PCDHGB4: variants seen among roughly 807,000 people sequenced by gnomAD.
PCDHGB4 encodes protocadherin gamma-B4.
A neutral mutation model predicts 60.5 loss-of-function variants in PCDHGB4; 38 were observed. The observed-to-expected ratio is 0.63, with a 90% CI of 0.48 to 0.82. The LOEUF (loss-of-function observed/expected upper bound fraction) is 0.82, where lower values mean the gene tolerates loss of function less well. PCDHGB4 is among the 40% of genes least tolerant of loss of function. The pLI, the probability that PCDHGB4 is intolerant of heterozygous loss-of-function variation, is 0.00. For missense variants in PCDHGB4, 1,109 were observed against 1,209.6 expected (o/e 0.92, Z 1.23); for synonymous variants, 456 against 509.7 (o/e 0.89, Z 1.42).
At position 141,502,487 on chromosome 5, in the gene PCDHGB4, C is replaced by T. The variant is rs563658817; in HGVS notation, c.2457-2906C>T. ...TACTTCCCGCAGCATCACACTGGGACTCATCTAACGTCGGCCTGTCCCACT... is the reference window on the plus strand; with the variant it reads ...TACTTCCCGCAGCATCACACTGGGATTCATCTAACGTCGGCCTGTCCCACT... On this transcript the variant is annotated intron_variant, in intron 2 of 3. Coordinates refer to ENST00000519479, the MANE Select transcript of PCDHGB4 (RefSeq NM_003736.4). Among the ~76,000 whole-genome samples, 92 of 152,298 alleles carry T rather than the reference C, an allele frequency of 6.0e-4. 3 individuals are homozygous for T. The highest frequency in any genetic ancestry group is 1.5e-4 in the Non-Finnish European group (10 of 68,030).
chr5:141,423,517 T>A (rs750915364), intron 1 of PCDHGB4: 1 of 1,613,834 alleles, frequency 6.2e-7, no homozygotes, highest in Admixed American at 1.7e-5. Context: ...CATTGCGGAC[T>A]CGCAGAAGAG....
At position 141,486,493 on chromosome 5, in the gene PCDHGB4, T is replaced by C. The variant is rs761905572; in HGVS notation, c.2398-8314T>C. The C allele has an allele frequency of 1.2e-6, 2 of 1,614,136 alleles. No homozygotes were observed. The highest frequency in any genetic ancestry group is 1.7e-6 in the Non-Finnish European group (2 of 1,179,960). Reference sequence around the variant, plus strand: ...ACCCTCCTCTCAGTACCCACAGAACTATTTTCCTCAATATTTCAGATGTGA... The same window carrying C: ...ACCCTCCTCTCAGTACCCACAGAACCATTTTCCTCAATATTTCAGATGTGA... On this transcript the variant is annotated intron_variant, in intron 1 of 3. Transcript: ENST00000519479. The surrounding 1 kb of genome is among the most constrained non-coding windows in gnomAD (Gnocchi z 5.0).
chr5:141,485,093 T>C lies in PCDHGB4; in HGVS notation c.2398-9714T>C. 1 of 1,076,296 alleles carries C rather than the reference T, an allele frequency of 9.3e-7. No homozygotes were observed. Among genetic ancestry groups the C allele is most frequent in the Non-Finnish European group, 1.4e-6 (1 of 718,118 alleles). 66.7% of individuals were successfully genotyped at this position (1,076,296 alleles called of 1,614,324 possible). ...TGGCGCGGGGAAAGGGAGATAGGTG[T>C]CTCCAGCTGCTGTGGCTGTTTGGGG... On this transcript the variant is annotated intron_variant, in intron 1 of 3. Coordinates refer to ENST00000519479, the MANE Select transcript of PCDHGB4 (RefSeq NM_003736.4). The surrounding 1 kb of genome is among the most constrained non-coding windows in gnomAD (Gnocchi z 5.7).
At chr5:141,474,041 GC>G (rs1242668125) in intron 1 of PCDHGB4, among the ~76,000 whole-genome samples, 3 of 152,140 alleles carry the variant, frequency 2.0e-5, no homozygotes. Context: ...CTGTACTCCA[GC>G]CTGGATGACA....
chr5:141,393,126 A>T, intron 1 of PCDHGB4: 1 of 1,613,436 alleles, frequency 6.2e-7, no homozygotes, highest in Non-Finnish European at 8.5e-7. Context: ...GTGTCTGATA[A>T]ATATTAACAC....
chr5:141,426,998 A>C (rs981827933), intron 1 of PCDHGB4: 8 of 456,664 alleles, frequency 1.8e-5, no homozygotes, highest in African/African-American at 1.6e-4. Flanking sequence ...ATAATGCCCC[A>C]GTTTTTAGCC....
At chr5:141,421,267 C>T in intron 1 of PCDHGB4, 1 of 1,611,374 alleles carries the variant, frequency 6.2e-7, no homozygotes, top group Non-Finnish European at 8.5e-7. Flanking sequence ...CAGTCGGCTG[C>T]TGCTGCTGCT....
rs773729429 is a variant in PCDHGB4, at chr5:141,491,406, C to T, written c.2398-3401C>T. ...CGAAGTGCCTTCAGGGAAACGCAGA[C>T]GGGGACGGGGGTGGAGGGCAGTGCT... On this transcript the variant is annotated intron_variant, in intron 1 of 3. Transcript: ENST00000519479. The surrounding 1 kb of genome is among the most constrained non-coding windows in gnomAD (Gnocchi z 6.9). The T allele has an allele frequency of 1.2e-6, 2 of 1,614,096 alleles. No homozygotes were observed. The highest frequency in any genetic ancestry group is 1.7e-6 in the Non-Finnish European group (2 of 1,179,990).
At chr5:141,460,150 T>G (rs1169568683) in intron 1 of PCDHGB4, among the ~76,000 whole-genome samples, 1 of 152,106 alleles carries the variant, frequency 6.6e-6, no homozygotes, top group East Asian at 1.9e-4. Context: ...ATGTGAGCTC[T>G]TTGTCACATA....
At chr5:141,464,976 A>G (rs2154568682) in intron 1 of PCDHGB4, among the ~76,000 whole-genome samples, 1 of 152,214 alleles carries the variant, frequency 6.6e-6, no homozygotes, top group East Asian at 1.9e-4. Flanking sequence ...TACTGGCTTC[A>G]AGTGATCCTC....
chr5:141,403,775 G>A (rs760589412), intron 1 of PCDHGB4: 2 of 1,613,866 alleles, frequency 1.2e-6, no homozygotes, highest in Admixed American at 1.7e-5. Context: ...GGGAATCAAC[G>A]GAAAAGTGGC....
chr5:141,479,806 G>A (rs1188862048), intron 1 of PCDHGB4, among the ~76,000 whole-genome samples: 1 of 152,182 alleles, frequency 6.6e-6, no homozygotes, highest in Non-Finnish European at 1.5e-5. Context: ...AGGGTGGTAT[G>A]CAAGGATACT....
chr5:141,404,325 C>G (rs762306578), intron 1 of PCDHGB4: 7 of 1,613,876 alleles, frequency 4.3e-6, no homozygotes, highest in Non-Finnish European at 5.9e-6. Flanking sequence ...GCCTCCTACT[C>G]AGTCTACCTC....
rs3805699 is a variant in PCDHGB4 at position 141,435,743 on chromosome 5, G to A, written c.2397+45462G>A. Among the ~76,000 whole-genome samples the A allele has an allele frequency of 9.2e-5, 14 of 152,198 alleles. No homozygotes were observed. The East Asian group carries it at 2.1e-3, about 23-fold the overall frequency. ...GCTAAAGTGTATTACTCTTTGAAAA[G>A]CATTGCTTGATTTCTTTTGGTGAAT... is the stretch of plus-strand genomic sequence containing the variant. On this transcript the variant is annotated intron_variant, in intron 1 of 3. Coordinates refer to ENST00000519479, the MANE Select transcript of PCDHGB4 (RefSeq NM_003736.4).
chr5:141,394,060 C>G, intron 1 of PCDHGB4: 8 of 1,613,780 alleles, frequency 5.0e-6, no homozygotes, highest in Non-Finnish European at 5.9e-6. Context: ...GAAAATGTCT[C>G]TATCTACAAT....
intron 1 of PCDHGB4, chr5:141,484,865 G>A (rs1431313212): frequency 3.6e-6 from 1 of 278,548 alleles, no homozygotes; most frequent in Non-Finnish European, 6.7e-6. Flanking sequence ...GGGTGGGGGA[G>A]CGTGGAGGAT....
intron 1 of PCDHGB4, among the ~76,000 whole-genome samples, chr5:141,446,482 C>CT (rs112180482): frequency 6.3e-4 from 92 of 147,004 alleles, no homozygotes; most frequent in East Asian, 4.0e-3. Context: ...GGTCATCATT[C>CT]TTTTTTTTTT....
At chr5:141,437,832 G>A (rs929534984) in intron 1 of PCDHGB4, among the ~76,000 whole-genome samples, 2 of 151,794 alleles carry the variant, frequency 1.3e-5, no homozygotes, top group Admixed American at 1.3e-4. Context: ...CTGCCTCCTG[G>A]GTTCATGCTA....
Position 141,390,099 on chromosome 5 carries a change from C to G in PCDHGB4, c.2215C>G (p.Pro739Ala). Residue 739 changes from proline (P) to alanine (A), a missense_variant, in exon 1 of 4, where the codon CCC (proline) becomes GCC (alanine). By Grantham distance (27) the Pro-to-Ala change is conservative. Around this residue, in one of 2 missense-constraint regions of PCDHGB4, gnomAD observed 1,068 missense variants for 1,089.9 expected, o/e 0.98. Transcript: ENST00000519479. ...TGTTAAATCCGAATCCGTGGTTCCC[C>G]CCAACTACAGCGAGGGGACTTTGCC... Reference protein sequence around the residue: ...LCVKSESVVPPNYSEGTLPYS... With the variant: ...LCVKSESVVPANYSEGTLPYS... The G allele has an allele frequency of 6.2e-7, 1 of 1,614,052 alleles. No homozygotes were observed. Among genetic ancestry groups the G allele is most frequent in the Non-Finnish European group, 8.5e-7 (1 of 1,179,906 alleles).
Sources: allele counts gnomAD v4.1 joint callset (sites outside exome capture counted in the v4.1 genomes callset), GRCh38; gene constraint gnomAD v4.1.1; regional missense constraint gnomAD v4.1.1; non-coding constraint Gnocchi (gnomAD v3.1); transcripts MANE v1.5; gene names NCBI Gene and HGNC (gene_info 2026-07-23, HGNC 2026-07-21).